Variants in RBFOX1 observed in about 807,000 individuals in gnomAD.
The protein encoded by RBFOX1 is RNA binding fox-1 homolog 1.
Under a neutral mutation model 57.7 loss-of-function variants are expected in RBFOX1, and 8 were observed. The ratio of observed to expected loss-of-function variants is 0.14; its 90% CI spans 0.08 to 0.25. RBFOX1 has a LOEUF of 0.25. RBFOX1 is among the 10% of genes least tolerant of loss of function. RBFOX1 has a pLI of 1.00. For synonymous variants in RBFOX1, 326 were observed against 222.4 expected (o/e 1.47, Z -4.15); for missense variants, 611 against 548.5 (o/e 1.11, Z -1.14).
intron 4 of RBFOX1, among the ~76,000 whole-genome samples, chr16:7,266,040 T>A (rs2095126644): frequency 6.9e-6 from 1 of 144,874 alleles, no homozygotes; most frequent in South Asian, 2.4e-4. Context: ...AGTGGCGCTA[T>A]CTTGGCTCAC....
chr16:6,395,101 A>G (rs2092769532), intron 2 of RBFOX1, among the ~76,000 whole-genome samples: 1 of 152,196 alleles, frequency 6.6e-6, no homozygotes, highest in African/African-American at 2.4e-5. Context: ...GACTCTGACC[A>G]TGTCACTGTC....
chr16:5,991,410 G>T (rs185986170), intron 4 of RBFOX1, among the ~76,000 whole-genome samples: 5 of 152,276 alleles, frequency 3.3e-5, no homozygotes, highest in Non-Finnish European at 5.9e-5. Flanking sequence ...CACGTAGAAG[G>T]AATTAAAGAA....
intron 12 of RBFOX1, 78 bp from the exon 13 acceptor site, chr16:7,664,851 C>G: frequency 6.2e-7 from 1 of 1,612,402 alleles, no homozygotes; most frequent in South Asian, 1.1e-5. Flanking sequence ...AGACTAACCT[C>G]GCCAGTGCAG....
At chr16:5,811,500 G>C (rs1425876938) in intron 3 of RBFOX1, among the ~76,000 whole-genome samples, 1 of 149,368 alleles carries the variant, frequency 6.7e-6, no homozygotes, top group Non-Finnish European at 1.5e-5. Context: ...CACCAGGCTG[G>C]AGTGCAGTGG....
chr16:5,293,277 C>G (rs183987599), intron 1 of RBFOX1, among the ~76,000 whole-genome samples: 2 of 152,088 alleles, frequency 1.3e-5, no homozygotes, highest in African/African-American at 4.8e-5. Flanking sequence ...GTCCACACCC[C>G]ATGAAGCATA....
rs112479391 is a variant in RBFOX1 at position 5,529,660 on chromosome 16, G to A, written c.258+62406G>A. Among the ~76,000 whole-genome samples the A allele has an allele frequency of 2.3e-4, 35 of 151,314 alleles. 1 individual carries two copies. Among genetic ancestry groups the A allele is most frequent in the African/African-American group, 8.3e-4 (34 of 41,196 alleles). ...TGGCTCACTGCAATCTCCACCTCCCGGGTTTAAGCCATTCTCCTGCCTCAC... is the reference window on the plus strand; with the variant it reads ...TGGCTCACTGCAATCTCCACCTCCCAGGTTTAAGCCATTCTCCTGCCTCAC... On this transcript the variant is annotated intron_variant, in intron 2 of 2. Coordinates refer to the RBFOX1 transcript ENST00000585867.
At chr16:7,006,556 C>A (rs1001076874) in intron 3 of RBFOX1, among the ~76,000 whole-genome samples, 15 of 152,052 alleles carry the variant, frequency 9.9e-5, no homozygotes, top group Non-Finnish European at 2.1e-4. Flanking sequence ...CTCAAGCAGT[C>A]CTCCCACCTC....
In RBFOX1 at chr16:6,973,070, G is replaced by A. The variant is rs183468047; in HGVS notation, c.-15-78987G>A. On this transcript the variant is annotated intron_variant, in intron 3 of 15. Transcript: ENST00000550418. ...CAGTTGAACCTGGGAGGTGGAGGCTGCAGTGAGCTGAGATTGCACTACTGC... is the reference window on the plus strand; with the variant it reads ...CAGTTGAACCTGGGAGGTGGAGGCTACAGTGAGCTGAGATTGCACTACTGC... 1.9e-4 allele frequency among the ~76,000 whole-genome samples: 29 copies of A among 152,206 alleles called. No homozygotes were observed. In the East Asian group the frequency reaches 2.1e-3, roughly 11 times the overall value.
chr16:6,353,353 T>G (rs1359141565), intron 2 of RBFOX1, among the ~76,000 whole-genome samples: 1 of 151,988 alleles, frequency 6.6e-6, no homozygotes, highest in Non-Finnish European at 1.5e-5. Flanking sequence ...TGTGCTTGTT[T>G]GTTTTTTGGG....
At chr16:6,279,628 A>G (rs1228782925) in intron 1 of RBFOX1, among the ~76,000 whole-genome samples, 2 of 152,182 alleles carry the variant, frequency 1.3e-5, no homozygotes, top group Non-Finnish European at 2.9e-5. Flanking sequence ...GTCCATATGG[A>G]AGATTATTAG....
At chr16:6,012,079 A>T (rs2094964512) in intron 4 of RBFOX1, among the ~76,000 whole-genome samples, 7 of 152,180 alleles carry the variant, frequency 4.6e-5, no homozygotes, top group Admixed American at 4.6e-4. Flanking sequence ...TTTCTCGTGG[A>T]TTCTGTCATT....
intron 4 of RBFOX1, among the ~76,000 whole-genome samples, chr16:7,308,773 G>A (rs2096249334): frequency 6.6e-6 from 1 of 152,218 alleles, no homozygotes; most frequent in Admixed American, 6.5e-5. Context: ...TCGCGCGAAG[G>A]CTGCAGGCGT....
chr16:6,184,792 C>T (rs1399044664), intron 1 of RBFOX1, among the ~76,000 whole-genome samples: 1 of 151,372 alleles, frequency 6.6e-6, no homozygotes, highest in African/African-American at 2.4e-5. Flanking sequence ...TGGCCTTGAT[C>T]TCTTGACCTC....
At chr16:5,486,327 C>T (rs913534156) in intron 2 of RBFOX1, among the ~76,000 whole-genome samples, 5 of 152,198 alleles carry the variant, frequency 3.3e-5, no homozygotes, top group East Asian at 1.9e-4. Flanking sequence ...AATGTAGCTT[C>T]CTGTTCTCCA....
chr16:5,487,077 G>T (rs927588133), intron 2 of RBFOX1, among the ~76,000 whole-genome samples: 2 of 152,080 alleles, frequency 1.3e-5, no homozygotes, highest in Non-Finnish European at 2.9e-5. Flanking sequence ...CTCTTTCAGG[G>T]ATCAGTGTAG....
intron 2 of RBFOX1, among the ~76,000 whole-genome samples, chr16:6,508,043 A>G (rs1388218205): frequency 1.3e-5 from 2 of 152,198 alleles, no homozygotes; most frequent in South Asian, 2.1e-4. Context: ...ATAAAAAAGA[A>G]AAAGATCATG....
At chr16:7,699,139 A>G (rs1028735788) in intron 14 of RBFOX1, among the ~76,000 whole-genome samples, 6 of 152,160 alleles carry the variant, frequency 3.9e-5, no homozygotes, top group African/African-American at 1.4e-4. Flanking sequence ...TGCCCCAGAT[A>G]ATTGTAATAG....
At chr16:6,675,829 C>G (rs939812880) in intron 3 of RBFOX1, among the ~76,000 whole-genome samples, 4 of 152,094 alleles carry the variant, frequency 2.6e-5, no homozygotes, top group African/African-American at 9.7e-5. Flanking sequence ...CACCAGGCCC[C>G]TCCCACAACA....
intron 3 of RBFOX1, among the ~76,000 whole-genome samples, chr16:6,886,726 G>A (rs1263311933): frequency 1.3e-5 from 2 of 149,846 alleles, no homozygotes; most frequent in Non-Finnish European, 1.5e-5. Context: ...CCGCACTCCA[G>A]CGTGGGCAAG....
Sources: allele counts gnomAD v4.1 joint callset (sites outside exome capture counted in the v4.1 genomes callset), GRCh38; gene constraint gnomAD v4.1.1; transcripts MANE v1.5; gene names NCBI Gene and HGNC (gene_info 2026-07-23, HGNC 2026-07-21).